The following CDH12 variants were observed in gnomAD, a reference collection of about 807,000 sequenced individuals.
CDH12 encodes the protein cadherin 12.
A neutral mutation model predicts 74.1 loss-of-function variants in CDH12; 41 were observed. The observed-to-expected ratio is 0.55, with a 90% CI of 0.43 to 0.72. The LOEUF (loss-of-function observed/expected upper bound fraction) is 0.72. CDH12 is among the 30% of genes least tolerant of loss of function. The pLI, the probability that CDH12 is intolerant of heterozygous loss-of-function variation, is 0.00. For missense variants in CDH12, 945 were observed against 977.2 expected, an observed-to-expected ratio of 0.97 and a Z score of 0.44; for synonymous variants, 399 against 355.0, an observed-to-expected ratio of 1.12 and a Z score of -1.39.
intron 5 of CDH12, among the ~76,000 whole-genome samples, chr5:21,976,383 C>A (rs938765017): frequency 2.6e-5 from 4 of 151,356 alleles, no homozygotes; most frequent in Non-Finnish European, 5.9e-5. Flanking sequence ...AACTGGAGAC[C>A]AAGAATAAAT....
chr5:21,768,246 A>T (rs1159381177), intron 11 of CDH12, among the ~76,000 whole-genome samples: 1 of 151,842 alleles, frequency 6.6e-6, no homozygotes, highest in Non-Finnish European at 1.5e-5. Flanking sequence ...TACTAATTTG[A>T]GGCTCATATC....
intron 6 of CDH12, among the ~76,000 whole-genome samples, chr5:21,880,616 C>CTCTCTTTCT (rs1752255658): frequency 3.1e-4 from 16 of 50,866 alleles, no homozygotes; most frequent in African/African-American, 1.1e-3. Flanking sequence ...TCCTTCCTTC[C>CTCTCTTTCT]TTCTTTCTTT....
At chr5:21,964,880 T>C in intron 6 of CDH12, among the ~76,000 whole-genome samples, 1 of 152,168 alleles carries the variant, frequency 6.6e-6, no homozygotes, top group Admixed American at 6.6e-5. Flanking sequence ...TAGACTATTT[T>C]TCTAAACAAA....
At chr5:22,810,260 G>A (rs901474104) in intron 1 of CDH12, among the ~76,000 whole-genome samples, 3 of 151,986 alleles carry the variant, frequency 2.0e-5, no homozygotes, top group Admixed American at 1.3e-4. Context: ...AAGATATACC[G>A]AGCACACCAA....
intron 4 of CDH12, among the ~76,000 whole-genome samples, chr5:22,131,077 T>C (rs1278335935): frequency 6.6e-6 from 1 of 152,136 alleles, no homozygotes; most frequent in Non-Finnish European, 1.5e-5. Flanking sequence ...AATTTATCCA[T>C]TTTATCCATT....
chr5:22,609,242 G>C (rs1215185016), intron 1 of CDH12, among the ~76,000 whole-genome samples: 1 of 152,118 alleles, frequency 6.6e-6, no homozygotes, highest in African/African-American at 2.4e-5. Context: ...TCAACTACTT[G>C]TTTATACTTA....
At chr5:22,529,184 TATATAGAGAGAGAGAG>T (rs749285587) in intron 1 of CDH12, among the ~76,000 whole-genome samples, 2,089 of 83,626 alleles carry the variant, frequency 0.025, 42 homozygotes, top group Middle Eastern at 0.091. Flanking sequence ...TATATATATA[TATATAGAGAGAGAGAG>T]AGAGAGAGAG....
At chr5:21,790,594 T>C (rs1454073853) in intron 10 of CDH12, among the ~76,000 whole-genome samples, 3 of 152,100 alleles carry the variant, frequency 2.0e-5, no homozygotes, top group Non-Finnish European at 4.4e-5. Context: ...ATTCTCCTTA[T>C]GTTCTATAAA....
At chr5:21,890,146 T>C (rs912987640) in intron 6 of CDH12, among the ~76,000 whole-genome samples, 1 of 152,270 alleles carries the variant, frequency 6.6e-6, no homozygotes, top group East Asian at 1.9e-4. Flanking sequence ...TGTATGTGTA[T>C]GTCTTACTTG....
chr5:22,639,259 A>G (rs1209581183), intron 1 of CDH12, among the ~76,000 whole-genome samples: 1 of 151,802 alleles, frequency 6.6e-6, no homozygotes, highest in Non-Finnish European at 1.5e-5. Context: ...AGCAATCCAG[A>G]ATCATGGCAC....
intron 1 of CDH12, among the ~76,000 whole-genome samples, chr5:22,783,494 T>C (rs570945367): frequency 6.6e-6 from 1 of 152,238 alleles, no homozygotes; most frequent in South Asian, 2.1e-4. Flanking sequence ...GTAGGTGAGT[T>C]AAAAATAATA....
At chr5:21,810,956 G>A (rs564176435) in intron 9 of CDH12, among the ~76,000 whole-genome samples, 78 of 152,058 alleles carry the variant, frequency 5.1e-4, no homozygotes, top group Non-Finnish European at 1.0e-3. Flanking sequence ...AAAAGAAAAA[G>A]AGTTTTACTG....
chr5:22,651,681 G>A (rs1739747199), intron 1 of CDH12, among the ~76,000 whole-genome samples: 1 of 150,456 alleles, frequency 6.6e-6, no homozygotes, highest in African/African-American at 2.4e-5. Context: ...ATCAGCTAAG[G>A]AGTAGTTGAT....
chr5:22,516,036 C>T (rs1312999288), intron 1 of CDH12, among the ~76,000 whole-genome samples: 6 of 151,986 alleles, frequency 3.9e-5, no homozygotes, highest in Non-Finnish European at 8.8e-5. Flanking sequence ...TAAAAAATAA[C>T]ATACACATGA....
chr5:21,998,147 T>C (rs1450142675), intron 5 of CDH12, among the ~76,000 whole-genome samples: 2 of 152,062 alleles, frequency 1.3e-5, no homozygotes, highest in Non-Finnish European at 2.9e-5. Flanking sequence ...GTTATTCTCT[T>C]ATGTAACTGT....
At chr5:21,774,221 CA>C (rs1200373480) in intron 11 of CDH12, among the ~76,000 whole-genome samples, 2 of 152,192 alleles carry the variant, frequency 1.3e-5, no homozygotes, top group African/African-American at 4.8e-5. Flanking sequence ...GTGGCTAGGA[CA>C]AAAGCAGGCA....
At chr5:22,590,661 A>T (rs186079500) in intron 1 of CDH12, among the ~76,000 whole-genome samples, 1 of 152,344 alleles carries the variant, frequency 6.6e-6, no homozygotes. Flanking sequence ...ACAAGAATGC[A>T]AATTAAATTA....
At chr5:21,874,562 G>A (rs1291393924) in intron 6 of CDH12, among the ~76,000 whole-genome samples, 1 of 152,174 alleles carries the variant, frequency 6.6e-6, no homozygotes, top group African/African-American at 2.4e-5. Flanking sequence ...CATTTGAGCA[G>A]GGAGTGGCAA....
chr5:22,635,720 C>A (rs568063354), intron 1 of CDH12, among the ~76,000 whole-genome samples: 2 of 152,170 alleles, frequency 1.3e-5, no homozygotes, highest in Admixed American at 1.3e-4. Context: ...TCGAAACCGG[C>A]CTGACCAACA....
Sources: gnomAD v4.1 joint callset for allele counts (sites outside exome capture counted in the v4.1 genomes callset) on GRCh38, gnomAD v4.1.1 for gene constraint, MANE v1.5 for transcripts, NCBI Gene and HGNC (gene_info 2026-07-23, HGNC 2026-07-21) for gene names.